Variants in SVEP1 observed in about 807,000 individuals in gnomAD.
SVEP1 encodes sushi, von Willebrand factor type A, EGF and pentraxin domain containing 1, also known as sushi, von Willebrand factor type A, EGF and pentraxin domain-containing protein 1.
SVEP1 carries 164 observed loss-of-function variants against 367.3 expected under a neutral mutation model. The observed-to-expected ratio is 0.45, with a 90% CI of 0.39 to 0.51. The LOEUF is 0.51. SVEP1 is among the 20% of genes least tolerant of loss of function. The pLI is 0.00. For missense variants in SVEP1, 4,117 were observed against 4,425.3 expected (o/e 0.93, Z 1.98); for synonymous variants, 1,666 against 1,611.6 (o/e 1.03, Z -0.81).
At chr9:110,563,343 CTG>C (rs1830453699) in intron 1 of SVEP1, among the ~76,000 whole-genome samples, 4 of 152,176 alleles carry the variant, frequency 2.6e-5, no homozygotes, top group South Asian at 2.1e-4. Flanking sequence ...GAGACAAAAA[CTG>C]TAATTATTAT....
At position 110,434,402 on chromosome 9, in the gene SVEP1, C is replaced by A; in HGVS notation, c.4993G>T (p.Val1665Phe). 1 of 1,613,396 alleles carries A rather than the reference C, an allele frequency of 6.2e-7. No individual in the cohort carries two copies. The highest frequency in any genetic ancestry group is 8.5e-7 in the Non-Finnish European group (1 of 1,179,678). The change falls in exon 30 of 48, where the codon GTC becomes TTC. Residue 1665 changes from valine (V) to phenylalanine (F), a missense_variant. Val to Phe is a conservative substitution (Grantham distance 50). This residue lies in a region of SVEP1 where 2,174 missense variants were observed against 2,494.3 expected (regional missense o/e 0.87). Transcript: ENST00000374469. ...AGACAGTACTGCACAGGGTTCCCGACCAGCTGGAAGCCTGGATCACAGAAC... is the reference window on the plus strand; with the variant it reads ...AGACAGTACTGCACAGGGTTCCCGAACAGCTGGAAGCCTGGATCACAGAAC... ...NLFCDPGFQL[V>F]GNPVQYCLNQ... is the part of the protein sequence containing the mutation.
intron 1 of SVEP1, among the ~76,000 whole-genome samples, chr9:110,571,733 C>A (rs1461103909): frequency 3.3e-5 from 5 of 152,172 alleles, no homozygotes; most frequent in African/African-American, 1.2e-4. Flanking sequence ...CAGCCTCTGC[C>A]ATTGATTGTT....
At chr9:110,368,027 G>A (rs1043229005) in intron 47 of SVEP1, among the ~76,000 whole-genome samples, 126 of 152,110 alleles carry the variant, frequency 8.3e-4, no homozygotes, top group Non-Finnish European at 9.7e-4. Flanking sequence ...GCAGTAAGCC[G>A]AGATTGCACA....
chr9:110,510,938 C>T (rs1475940779), intron 5 of SVEP1, among the ~76,000 whole-genome samples: 1 of 152,218 alleles, frequency 6.6e-6, no homozygotes, highest in African/African-American at 2.4e-5. Context: ...TTTGCCTTCA[C>T]ACATGAACAG....
At chr9:110,391,175 C>A (rs1428666482) in intron 40 of SVEP1, among the ~76,000 whole-genome samples, 5 of 151,930 alleles carry the variant, frequency 3.3e-5, no homozygotes, top group Non-Finnish European at 7.4e-5. Context: ...TGAATCAGTA[C>A]CAAATAAGAT....
intron 1 of SVEP1, among the ~76,000 whole-genome samples, chr9:110,574,207 TCTGA>T (rs1830599878): frequency 6.6e-6 from 1 of 152,254 alleles, no homozygotes; most frequent in Non-Finnish European, 1.5e-5. Flanking sequence ...GAATAAGATG[TCTGA>T]CTGAGGGGTA....
intron 3 of SVEP1, among the ~76,000 whole-genome samples, chr9:110,524,982 G>A (rs1046408952): frequency 1.3e-5 from 2 of 152,070 alleles, no homozygotes; most frequent in African/African-American, 2.4e-5. Flanking sequence ...GAAGTGCTGG[G>A]ACTTCAGGTG....
In SVEP1 at chr9:110,404,504, A is replaced by G. The variant is rs1827924650; in HGVS notation, c.9489T>C (p.Cys3163=). 1 of 1,613,884 alleles carries G rather than the reference A, an allele frequency of 6.2e-7. No individual in the cohort carries two copies. Among genetic ancestry groups the G allele is most frequent in the Non-Finnish European group, 8.5e-7 (1 of 1,179,894 alleles). The change falls in exon 39 of 48, where the codon TGT becomes TGC. Residue 3163 remains cysteine, a synonymous_variant. Coordinates refer to ENST00000374469, the MANE Select transcript of SVEP1 (RefSeq NM_153366.4). ...CAGGGAACCAGCGACCATCTTTCTG[A>G]CAGGTGAATGTATCTGTATCTGTAT... is the stretch of plus-strand genomic sequence containing the variant. ...TMDTDTDTFT[C]QKDGRWFPER...
intron 46 of SVEP1, 49 bp from the exon 47 acceptor site, chr9:110,370,065 G>T: frequency 6.5e-7 from 1 of 1,538,544 alleles, no homozygotes; most frequent in Non-Finnish European, 8.9e-7. Context: ...TAGCAATTCT[G>T]ATGATATCCA....
intron 1 of SVEP1, among the ~76,000 whole-genome samples, chr9:110,554,516 A>G (rs995305256): frequency 3.9e-5 from 6 of 152,194 alleles, no homozygotes; most frequent in Admixed American, 6.5e-5. Context: ...TATGGCATGG[A>G]ATGTTCAAAA....
intron 1 of SVEP1, among the ~76,000 whole-genome samples, chr9:110,554,707 T>C (rs1830333988): frequency 6.7e-6 from 1 of 148,302 alleles, no homozygotes; most frequent in Non-Finnish European, 1.5e-5. Context: ...TATAGACATT[T>C]ATGTGTATGT....
chr9:110,375,344 AAAC>A, intron 46 of SVEP1, 21 bp downstream of exon 46: 1 of 1,542,930 alleles, frequency 6.5e-7, no homozygotes, highest in Middle Eastern at 1.7e-4. Context: ...GCCACCAAGA[AAAC>A]AAACCATGAA....
chr9:110,544,668 T>A (rs940394730), intron 3 of SVEP1, among the ~76,000 whole-genome samples: 3 of 152,158 alleles, frequency 2.0e-5, no homozygotes, highest in Admixed American at 6.5e-5. Flanking sequence ...TTCACACGCA[T>A]GGGGCACAGT....
intron 9 of SVEP1, among the ~76,000 whole-genome samples, chr9:110,483,913 A>C (rs1393210729): frequency 6.6e-6 from 1 of 152,196 alleles, no homozygotes; most frequent in Non-Finnish European, 1.5e-5. Context: ...GAAGAAAAAA[A>C]TGCCACCTTT....
At chr9:110,438,319 T>C (rs971792968) in intron 27 of SVEP1, among the ~76,000 whole-genome samples, 1 of 151,144 alleles carries the variant, frequency 6.6e-6, no homozygotes, top group Non-Finnish European at 1.5e-5. Context: ...CCCAAATAGA[T>C]AGCTGGGATT....
At chr9:110,540,123 T>A (rs1268684825) in intron 3 of SVEP1, among the ~76,000 whole-genome samples, 1 of 152,126 alleles carries the variant, frequency 6.6e-6, no homozygotes, top group East Asian at 1.9e-4. Flanking sequence ...ACTATTGTTA[T>A]TATTATCAGT....
intron 17 of SVEP1, 137 bp from the exon 18 acceptor site, chr9:110,466,163 G>T: frequency 1.2e-6 from 1 of 866,478 alleles, no homozygotes; most frequent in Non-Finnish European, 1.7e-6. Flanking sequence ...TCTTTCTCCT[G>T]TTAGCTAAGC....
At chr9:110,490,576 T>C (rs1829352890) in intron 8 of SVEP1, among the ~76,000 whole-genome samples, 1 of 152,138 alleles carries the variant, frequency 6.6e-6, no homozygotes, top group South Asian at 2.1e-4. Flanking sequence ...GATATTTGTC[T>C]TTCTGTGCTT....
chr9:110,446,431 C>T (rs1469982613), intron 25 of SVEP1, among the ~76,000 whole-genome samples: 2 of 152,208 alleles, frequency 1.3e-5, no homozygotes, highest in African/African-American at 4.8e-5. Context: ...TGCTGCCCTA[C>T]TCAAGGCTCT....
Sources: gnomAD v4.1 joint callset for allele counts (sites outside exome capture counted in the v4.1 genomes callset) on GRCh38, gnomAD v4.1.1 for gene constraint, gnomAD v4.1.1 regional missense constraint, MANE v1.5 for transcripts, NCBI Gene and HGNC (gene_info 2026-07-23, HGNC 2026-07-21) for gene names.